Variants in SAMD13 observed in about 807,000 individuals in gnomAD.
SAMD13 encodes sterile alpha motif domain-containing protein 13.
In SAMD13, 9 loss-of-function variants were observed where a neutral mutation model predicts 12.4. That is an observed-to-expected ratio of 0.72 (90% CI 0.44 to 1.26). The LOEUF (loss-of-function observed/expected upper bound fraction) is 1.26. Ranked by LOEUF, SAMD13 falls within the 50% of genes most tolerant of loss-of-function variation. The probability of loss-of-function intolerance (pLI) is 0.00; values close to 1 mark genes in which losing one functional copy is unlikely to be tolerated. For synonymous variants in SAMD13, 46 were observed against 45.4 expected (o/e 1.01, Z -0.05); for missense variants, 84 against 119.6 (o/e 0.70, Z 1.39).
At chr1:84,302,252 G>A (rs1329950768) in intron 1 of SAMD13, among the ~76,000 whole-genome samples, 3 of 151,712 alleles carry the variant, frequency 2.0e-5, no homozygotes, top group Non-Finnish European at 4.4e-5. Context: ...AAGGAGTGCC[G>A]AAGTATAAAG....
chr1:84,330,309 G>T (rs1679151391), intron 3 of SAMD13, among the ~76,000 whole-genome samples: 1 of 152,160 alleles, frequency 6.6e-6, no homozygotes, highest in South Asian at 2.1e-4. Context: ...TGCTTTCAGT[G>T]CACAACACGG....
chr1:84,348,613 G>A (rs1018063284), intron 3 of SAMD13, among the ~76,000 whole-genome samples: 3 of 152,194 alleles, frequency 2.0e-5, no homozygotes, highest in African/African-American at 7.2e-5. Flanking sequence ...GTGGCATTCA[G>A]CATTCTTCTC....
At chr1:84,336,485 A>C (rs965895436) in intron 3 of SAMD13, among the ~76,000 whole-genome samples, 2 of 152,108 alleles carry the variant, frequency 1.3e-5, no homozygotes, top group Non-Finnish European at 2.9e-5. Flanking sequence ...AAAGAGAGAG[A>C]GCTTTTGAGG....
At chr1:84,346,584 T>C (rs531762126) in intron 3 of SAMD13, among the ~76,000 whole-genome samples, 1 of 152,334 alleles carries the variant, frequency 6.6e-6, no homozygotes, top group South Asian at 2.1e-4. Context: ...TTCATTTATA[T>C]TAATACACAG....
chr1:84,322,563 G>C (rs779957612), intron 2 of SAMD13, among the ~76,000 whole-genome samples: 3 of 152,296 alleles, frequency 2.0e-5, no homozygotes, highest in Non-Finnish European at 2.9e-5. Flanking sequence ...ACTGTGCTAG[G>C]TGCTGGTGCT....
intron 2 of SAMD13, among the ~76,000 whole-genome samples, chr1:84,323,262 A>T (rs1184777519): frequency 6.6e-6 from 1 of 152,186 alleles, no homozygotes; most frequent in Non-Finnish European, 1.5e-5. Flanking sequence ...CTGATTGCTT[A>T]TGTTGCTAGT....
At chr1:84,334,595 G>T (rs564868867) in intron 3 of SAMD13, among the ~76,000 whole-genome samples, 2 of 151,984 alleles carry the variant, frequency 1.3e-5, no homozygotes, top group East Asian at 3.9e-4. Flanking sequence ...TTGTCTTCTG[G>T]TAGCCTTGGG....
intron 2 of SAMD13, among the ~76,000 whole-genome samples, chr1:84,306,783 A>G (rs985760386): frequency 2.0e-5 from 3 of 151,068 alleles, no homozygotes; most frequent in African/African-American, 7.3e-5. Flanking sequence ...ATGAGCCAAG[A>G]TTGTGCCACT....
intron 2 of SAMD13, among the ~76,000 whole-genome samples, chr1:84,320,085 T>C (rs1678908781): frequency 6.6e-6 from 1 of 152,238 alleles, no homozygotes; most frequent in African/African-American, 2.4e-5. Context: ...CCCGAGATTA[T>C]CGTCTTCATT....
chr1:84,316,354 G>T (rs760029863), intron 2 of SAMD13, among the ~76,000 whole-genome samples: 2 of 152,106 alleles, frequency 1.3e-5, no homozygotes, highest in African/African-American at 4.8e-5. Context: ...ACAGTTTCAA[G>T]TCTTATGTTT....
chr1:84,335,014 T>C (rs192834468), intron 3 of SAMD13, among the ~76,000 whole-genome samples: 33 of 152,268 alleles, frequency 2.2e-4, no homozygotes, highest in African/African-American at 7.9e-4. Context: ...GAGAAGAATA[T>C]ATATTCTGCC....
At chr1:84,349,087 T>C (rs1307876103) in intron 3 of SAMD13, among the ~76,000 whole-genome samples, 1 of 152,170 alleles carries the variant, frequency 6.6e-6, no homozygotes, top group Non-Finnish European at 1.5e-5. Flanking sequence ...AGGGGGATTA[T>C]AAAAAGAACA....
intron 1 of SAMD13, chr1:84,302,734 A>C: frequency 1.0e-6 from 1 of 968,896 alleles, no homozygotes; most frequent in Non-Finnish European, 1.2e-6. Flanking sequence ...GTCCTTCTGC[A>C]TTGCAATGAA....
At chr1:84,304,784 T>C (rs1287875023) in intron 2 of SAMD13, among the ~76,000 whole-genome samples, 3 of 151,922 alleles carry the variant, frequency 2.0e-5, no homozygotes, top group African/African-American at 7.2e-5. Context: ...CACACACACA[T>C]ATAGTTTCTG....
chr1:84,332,779 C>T (rs755742791), intron 3 of SAMD13, among the ~76,000 whole-genome samples: 2 of 151,976 alleles, frequency 1.3e-5, no homozygotes, highest in East Asian at 1.9e-4. Context: ...TTGCTTTTGG[C>T]GTCTTTATCA....
intron 3 of SAMD13, among the ~76,000 whole-genome samples, 160 bp downstream of exon 3, chr1:84,325,908 A>G (rs1003993029): frequency 3.3e-5 from 5 of 152,202 alleles, no homozygotes; most frequent in African/African-American, 9.6e-5. Flanking sequence ...TGGATGTACC[A>G]GGTGAATTAT....
At chr1:84,298,827 C>G (rs1678373817), upstream of SAMD13, among the ~76,000 whole-genome samples, 1 of 152,008 alleles carries the variant, frequency 6.6e-6, no homozygotes, top group Non-Finnish European at 1.5e-5. Flanking sequence ...GCTCGGGGAG[C>G]GGGACGGGGT....
intron 2 of SAMD13, among the ~76,000 whole-genome samples, chr1:84,316,499 T>C (rs1678836197): frequency 1.3e-5 from 2 of 152,210 alleles, no homozygotes; most frequent in Admixed American, 1.3e-4. Context: ...TTTGTGTTCT[T>C]GGCATTCCAG....
At chr1:84,339,564 C>T (rs1457501321) in intron 3 of SAMD13, among the ~76,000 whole-genome samples, 4 of 152,050 alleles carry the variant, frequency 2.6e-5, no homozygotes. Context: ...CTGGAGGGGT[C>T]GAGGTATTCC....
Sources: gnomAD v4.1 joint callset for allele counts (sites outside exome capture counted in the v4.1 genomes callset) on GRCh38, gnomAD v4.1.1 for gene constraint, MANE v1.5 for transcripts, NCBI Gene and HGNC (gene_info 2026-07-23, HGNC 2026-07-21) for gene names.